TUBGCP2: variants seen among roughly 807,000 people sequenced by gnomAD.
TUBGCP2 encodes the protein tubulin gamma complex component 2, also known as gamma-tubulin complex component 2.
A neutral mutation model predicts 92.2 loss-of-function variants in TUBGCP2; 55 were observed. The ratio of observed to expected loss-of-function variants is 0.60; its 90% CI spans 0.48 to 0.75. TUBGCP2 has a LOEUF of 0.75. TUBGCP2 is among the 30% of genes least tolerant of loss of function. The pLI is 0.00. For missense variants in TUBGCP2, 1,093 were observed against 1,188.9 expected (o/e 0.92, Z 1.19); for synonymous variants, 533 against 505.2 (o/e 1.06, Z -0.74).
intron 11 of TUBGCP2, among the ~76,000 whole-genome samples, chr10:133,287,351 G>C (rs962132860): frequency 1.3e-5 from 2 of 152,226 alleles, no homozygotes; most frequent in Non-Finnish European, 2.9e-5. Flanking sequence ...GGGAGGCGCA[G>C]GTGAAGGATC....
chr10:133,310,168 A>G, upstream of TUBGCP2: 1 of 1,613,892 alleles, frequency 6.2e-7, no homozygotes, highest in Admixed American at 1.7e-5. Flanking sequence ...TTTCAGTATC[A>G]GTGCTTGGTA....
chr10:133,287,974 G>A (rs1425188627), intron 11 of TUBGCP2, among the ~76,000 whole-genome samples, 155 bp downstream of exon 11: 4 of 152,160 alleles, frequency 2.6e-5, no homozygotes, highest in Non-Finnish European at 4.4e-5. Flanking sequence ...CCCCGATCCC[G>A]GCAAGCCGGC....
intron 2 of TUBGCP2, among the ~76,000 whole-genome samples, chr10:133,300,741 T>G (rs1847624953): frequency 1.3e-5 from 2 of 152,234 alleles, no homozygotes; most frequent in Non-Finnish European, 2.9e-5. Flanking sequence ...CCCAAAGTGC[T>G]GGCGTTACAG....
chr10:133,306,712 C>T (rs1847828686), intron 1 of TUBGCP2, among the ~76,000 whole-genome samples: 1 of 152,006 alleles, frequency 6.6e-6, no homozygotes, highest in South Asian at 2.1e-4. Flanking sequence ...GGCATGAACC[C>T]GAGAGGCGGA....
upstream of TUBGCP2, chr10:133,309,136 A>C (rs1345449578): frequency 2.9e-6 from 4 of 1,383,382 alleles, no homozygotes; most frequent in Non-Finnish European, 3.8e-6. Flanking sequence ...TGTAGGATCC[A>C]GTGGGGCCTA....
At chr10:133,310,277 G>T, upstream of TUBGCP2, 2 of 1,613,964 alleles carry the variant, frequency 1.2e-6, no homozygotes, top group Non-Finnish European at 1.7e-6. Context: ...ATAAGCCAAA[G>T]AAAAGCAGAA....
Position 133,285,087 on chromosome 10 carries a change from C to G in TUBGCP2, c.2022G>C (p.Gln674His). The G allele has an allele frequency of 6.2e-7, 1 of 1,603,858 alleles. No homozygotes were observed. The highest frequency in any genetic ancestry group is 8.5e-7 in the Non-Finnish European group (1 of 1,172,842). The change falls in exon 13 of 18, where the codon CAG (glutamine) becomes CAC (histidine). Residue 674 changes from glutamine to histidine, a missense_variant and splice_region_variant. Coordinates refer to ENST00000252936, the MANE Select transcript of TUBGCP2 (RefSeq NM_006659.4). The surrounding 1 kb of genome is among the most constrained non-coding windows in gnomAD (Gnocchi z 6.8). ...TAKQHSLHSA[Q>H]WFAGAFTLRQ... ...GCGGGGGCAGAGGAAGAACGCACCA[C>G]TGGGCGGAGTGCAGCGAGTGCTGCT... is the stretch of plus-strand genomic sequence containing the variant.
chr10:133,298,704 G>A (rs564406913), intron 4 of TUBGCP2, among the ~76,000 whole-genome samples: 3 of 152,382 alleles, frequency 2.0e-5, no homozygotes, highest in African/African-American at 7.2e-5. Flanking sequence ...CAGGGACACG[G>A]GCAGATGCAA....
upstream of TUBGCP2, chr10:133,309,377 A>G (rs368439360): frequency 1.5e-5 from 24 of 1,609,892 alleles, no homozygotes; most frequent in African/African-American, 2.1e-4. Flanking sequence ...CCCACGGCGC[A>G]CTTTTCCTGC....
In TUBGCP2 at chr10:133,290,042, G is replaced by C. The variant is rs1185625176; in HGVS notation, c.1215-73C>G. The C allele has an allele frequency of 3.2e-6, 5 of 1,583,444 alleles. No homozygotes were observed. The African/African-American group carries it at 6.7e-5, about 21-fold the overall frequency. ...GAGGCAGGCGACACTTCTCCAGGCC[G>C]GCAGCGCGCAGGGACATTAACAGAG... On this transcript the variant is annotated intron_variant, in intron 8 of 17. Coordinates refer to ENST00000252936, the MANE Select transcript of TUBGCP2 (RefSeq NM_006659.4).
At position 133,285,471 on chromosome 10, in the gene TUBGCP2, G is replaced by C. The variant is rs148683984; in HGVS notation, c.1880C>G (p.Ser627Trp). Reference protein sequence around the residue: ...SFDYIVKWPLSLIINRKALTR... With the variant: ...SFDYIVKWPLWLIINRKALTR... ...CGACCCGCACCTGTTGATGATGAGC[G>C]AAAGGGGCCACTTGACGATGTAGTC... The change falls in exon 12 of 18, where the codon TCG (serine) becomes TGG (tryptophan). Residue 627 changes from serine to tryptophan, a missense_variant. Around this residue, in one of 3 missense-constraint regions of TUBGCP2, gnomAD observed 598 missense variants for 675.5 expected, o/e 0.89. Transcript: ENST00000252936. The surrounding 1 kb of genome is among the most constrained non-coding windows in gnomAD (Gnocchi z 6.8). 3.7e-6 allele frequency: 6 copies of C among 1,613,606 alleles called. No homozygotes were observed. The highest frequency in any genetic ancestry group is 5.1e-6 in the Non-Finnish European group (6 of 1,179,832).
At chr10:133,304,116 C>T (rs964118539) in intron 1 of TUBGCP2, among the ~76,000 whole-genome samples, 1 of 152,090 alleles carries the variant, frequency 6.6e-6, no homozygotes, top group African/African-American at 2.4e-5. Flanking sequence ...GTGAGTCACT[C>T]GAGGCCAGGA....
At chr10:133,293,392 G>A (rs531988574) in intron 6 of TUBGCP2, among the ~76,000 whole-genome samples, 154 bp from the exon 7 acceptor site, 3 of 152,350 alleles carry the variant, frequency 2.0e-5, no homozygotes, top group African/African-American at 2.4e-5. Flanking sequence ...GATGAGTCAG[G>A]ACCCTGGATG....
At chr10:133,283,329 T>C (rs1475819632) in intron 14 of TUBGCP2, 108 bp from the exon 15 acceptor site, 13 of 1,488,816 alleles carry the variant, frequency 8.7e-6, no homozygotes, top group Non-Finnish European at 1.2e-5. Flanking sequence ...TACGCACTTC[T>C]ACCTCTTAAA....
At chr10:133,286,019 C>T (rs1277682437) in intron 11 of TUBGCP2, among the ~76,000 whole-genome samples, 1 of 152,106 alleles carries the variant, frequency 6.6e-6, no homozygotes, top group Non-Finnish European at 1.5e-5. Context: ...TTATTATAAG[C>T]AAGTAATACT....
chr10:133,308,067 A>G (rs773351907), intron 1 of TUBGCP2, among the ~76,000 whole-genome samples: 43 of 152,102 alleles, frequency 2.8e-4, no homozygotes, highest in Non-Finnish European at 5.0e-4. Flanking sequence ...TCTATCAGCT[A>G]TGATCGCACC....
intron 4 of TUBGCP2, 29 bp downstream of exon 4, chr10:133,299,398 G>A (rs775959448): frequency 3.9e-5 from 60 of 1,544,966 alleles, no homozygotes; most frequent in Non-Finnish European, 5.1e-5. Context: ...CTGCAGCATG[G>A]AGCCTGTGGA....
rs1412350306 is a variant in TUBGCP2, at chr10:133,299,427, C to G, written c.456G>C (p.Gln152His). The G allele has an allele frequency of 1.9e-6, 3 of 1,596,792 alleles. No individual in the cohort carries two copies. Among genetic ancestry groups the G allele is most frequent in the South Asian group, 2.2e-5 (2 of 90,314 alleles). Residue 152 changes from glutamine to histidine, a missense_variant and splice_region_variant, in exon 4 of 18, where the codon CAG becomes CAC. Around this residue, in one of 3 missense-constraint regions of TUBGCP2, gnomAD observed 490 missense variants for 488.5 expected, o/e 1.00. Transcript: ENST00000252936. ...GSVATGSTLQ[Q>H]SLELKRKMLR... ...CTGTGGACAGCCATGGACGCAGTACCTGCTGCAGCGTGGAGCCTGTGGCCA... is the reference window on the plus strand; with the variant it reads ...CTGTGGACAGCCATGGACGCAGTACGTGCTGCAGCGTGGAGCCTGTGGCCA...
Position 133,302,952 on chromosome 10 carries a change from C to G in TUBGCP2, c.-11G>C. ...CCGAAATTCACTCATAGTTTTAGCT[C>G]TGAGGCACGAACATCACAATATGTT... On this transcript the variant is annotated 5_prime_UTR_variant, in exon 2 of 18. Transcript: ENST00000252936. 1 of 1,614,002 alleles carries G rather than the reference C, an allele frequency of 6.2e-7. No homozygotes were observed. The highest frequency in any genetic ancestry group is 2.2e-5 in the East Asian group (1 of 44,886).
Sources: allele counts gnomAD v4.1 joint callset (sites outside exome capture counted in the v4.1 genomes callset), GRCh38; gene constraint gnomAD v4.1.1; regional missense constraint gnomAD v4.1.1; non-coding constraint Gnocchi (gnomAD v3.1); transcripts MANE v1.5; gene names NCBI Gene and HGNC (gene_info 2026-07-23, HGNC 2026-07-21).